Variants in BACE1 observed in about 807,000 individuals in gnomAD.
BACE1 encodes APP beta-secretase.
BACE1 carries 21 observed loss-of-function variants against 54.0 expected under a neutral mutation model. The ratio of observed to expected loss-of-function variants is 0.39; its 90% CI spans 0.28 to 0.56. The LOEUF (loss-of-function observed/expected upper bound fraction) is 0.56. Among genes scored for constraint, BACE1 ranks in the 20% least tolerant of loss-of-function variants. The pLI, the probability that BACE1 is intolerant of heterozygous loss-of-function variation, is 0.63. For missense variants in BACE1, 511 were observed against 661.2 expected (o/e 0.77, Z 2.49); for synonymous variants, 232 against 260.9 (o/e 0.89, Z 1.07).
At chr11:117,290,844 C>A in intron 7 of BACE1, 56 bp downstream of exon 7, 3 of 1,589,236 alleles carry the variant, frequency 1.9e-6, no homozygotes, top group Non-Finnish European at 2.6e-6. Context: ...TACCTGCTCA[C>A]TGTCTCCCAG....
chr11:117,308,037 C>G (rs2034869741), intron 1 of BACE1, among the ~76,000 whole-genome samples: 1 of 128,458 alleles, frequency 7.8e-6, no homozygotes, highest in African/African-American at 3.0e-5. Flanking sequence ...CTGGGATGCT[C>G]AGGAGATTTG....
Position 117,289,461 on chromosome 11 carries a change from T to G in BACE1, c.*105A>C. 1 of 1,501,588 alleles carries G rather than the reference T, an allele frequency of 6.7e-7. No homozygotes were observed. The highest frequency in any genetic ancestry group is 8.9e-7 in the Non-Finnish European group (1 of 1,123,004). 93.0% of individuals were successfully genotyped at this position (1,501,588 alleles called of 1,614,324 possible). ...GGCATTTGGTGGGTGGGGAGGGTCC[T>G]GAGGTGCTCTGGCCACAGGTGCCAT... On this transcript the variant is annotated 3_prime_UTR_variant, in exon 9 of 9. Coordinates refer to ENST00000313005, the MANE Select transcript of BACE1 (RefSeq NM_012104.6).
At chr11:117,308,636 C>T (rs1223070171) in intron 1 of BACE1, among the ~76,000 whole-genome samples, 1 of 152,114 alleles carries the variant, frequency 6.6e-6, no homozygotes, top group African/African-American at 2.4e-5. Flanking sequence ...GAATAATAAA[C>T]ATAAACTTTG....
intron 1 of BACE1, among the ~76,000 whole-genome samples, chr11:117,301,942 T>A (rs2034734641): frequency 6.6e-6 from 1 of 152,244 alleles, no homozygotes; most frequent in Non-Finnish European, 1.5e-5. Flanking sequence ...TCTCTTGACC[T>A]GTCCAATCTG....
rs1051419321 is a variant in BACE1 at position 117,287,508 on chromosome 11, A to C, written c.*2058T>G. On this transcript the variant is annotated 3_prime_UTR_variant, in exon 9 of 9. Transcript: ENST00000313005. ...GGAAGTAACTGTAAAAAGAAAAACA[A>C]GTGCAAGTTTTCTTTAAAAAAATAA... 2 of 152,650 alleles carry C rather than the reference A, an allele frequency of 1.3e-5. No individual in the cohort carries two copies. The highest frequency in any genetic ancestry group is 2.9e-5 in the Non-Finnish European group (2 of 68,034). 9.5% of individuals were successfully genotyped at this position (152,650 alleles called of 1,614,324 possible). A position where few individuals can be genotyped will look rare whatever the true frequency, so the allele number is the denominator to read the frequency against.
Position 117,287,096 on chromosome 11 carries a change from A to G in BACE1, c.*2470T>C, listed in dbSNP as rs1239519251. On this transcript the variant is annotated 3_prime_UTR_variant, in exon 9 of 9. Coordinates refer to ENST00000313005, the MANE Select transcript of BACE1 (RefSeq NM_012104.6). The stretch of plus-strand genomic sequence containing the variant: ...TCCTTTGAAGCCAAAGGAGTAAAGA[A>G]AGAAAAAAGGAAGGGGTGAGGAGGG... 6.6e-6 allele frequency: 1 copy of G among 152,242 alleles called. No individual in the cohort carries two copies. Among genetic ancestry groups the G allele is most frequent in the East Asian group, 1.9e-4 (1 of 5,200 alleles). 9.4% of individuals were successfully genotyped at this position (152,242 alleles called of 1,614,324 possible).
intron 1 of BACE1, among the ~76,000 whole-genome samples, chr11:117,309,760 T>C (rs2034906061): frequency 6.6e-6 from 1 of 152,218 alleles, no homozygotes; most frequent in Non-Finnish European, 1.5e-5. Flanking sequence ...TGGCATTATT[T>C]TTCTCTTCTA....
At chr11:117,301,417 C>T (rs960352383) in intron 1 of BACE1, among the ~76,000 whole-genome samples, 1 of 152,048 alleles carries the variant, frequency 6.6e-6, no homozygotes, top group Non-Finnish European at 1.5e-5. Flanking sequence ...ATAGTGAGAC[C>T]CCCTCCCACA....
chr11:117,289,182 G>A lies in BACE1; in HGVS notation c.*384C>T, dbSNP rs1306382386. The A allele has an allele frequency of 1.3e-5, 3 of 225,736 alleles. No homozygotes were observed. Among genetic ancestry groups the A allele is most frequent in the South Asian group, 8.2e-5 (1 of 12,200 alleles). 14.0% of individuals were successfully genotyped at this position (225,736 alleles called of 1,614,324 possible). On this transcript the variant is annotated 3_prime_UTR_variant, in exon 9 of 9. Coordinates refer to ENST00000313005, the MANE Select transcript of BACE1 (RefSeq NM_012104.6). The stretch of plus-strand genomic sequence containing the variant: ...CTGCCAGGGTACCACAGGGACACAC[G>A]CCAAGGTAACCTGCGTGTGATGCCA...
rs1016772511 is a variant in BACE1 at position 117,286,302 on chromosome 11, C to T, written c.*3264G>A. On this transcript the variant is annotated 3_prime_UTR_variant, in exon 9 of 9. Coordinates refer to ENST00000313005, the MANE Select transcript of BACE1 (RefSeq NM_012104.6). Reference sequence around the variant, plus strand: ...TATCAGGAACTAGATCATTTTCCACCTCTGCTTATTGTACTTCTTAATTTT... The same window carrying T: ...TATCAGGAACTAGATCATTTTCCACTTCTGCTTATTGTACTTCTTAATTTT... 1 of 152,216 alleles carries T rather than the reference C, an allele frequency of 6.6e-6. No homozygotes were observed. Among genetic ancestry groups the T allele is most frequent in the East Asian group, 1.9e-4 (1 of 5,198 alleles). The allele number at this position is 152,216 out of a possible 1,614,324, so 9.4% of individuals were successfully genotyped here.
intron 1 of BACE1, 72 bp from the exon 2 acceptor site, chr11:117,297,033 A>G: frequency 8.9e-7 from 1 of 1,124,664 alleles, no homozygotes; most frequent in Non-Finnish European, 1.3e-6. Flanking sequence ...ATTATCCCTC[A>G]CGCCCCAGCC....
In BACE1 at chr11:117,309,093, C is replaced by T. The variant is rs556955534; in HGVS notation, c.261+6442G>A. On this transcript the variant is annotated intron_variant, in intron 1 of 8. Coordinates refer to ENST00000313005, the MANE Select transcript of BACE1 (RefSeq NM_012104.6). ...CTCTCACCCCATACATCTCATCAAG[C>T]GCAGAGAATAACTGGTTAAACGATG... Among the ~76,000 whole-genome samples, 7 of 152,230 alleles carry T rather than the reference C, an allele frequency of 4.6e-5. No individual in the cohort carries two copies. The South Asian group carries it at 8.3e-4, about 18-fold the overall frequency.
At chr11:117,297,927 C>G (rs2034641101) in intron 1 of BACE1, among the ~76,000 whole-genome samples, 1 of 152,198 alleles carries the variant, frequency 6.6e-6, no homozygotes, top group Admixed American at 6.5e-5. Flanking sequence ...CCTCTGACAG[C>G]CGACTCAAAA....
chr11:117,307,315 G>C (rs1162700825), intron 1 of BACE1, among the ~76,000 whole-genome samples: 1 of 151,950 alleles, frequency 6.6e-6, no homozygotes, highest in Non-Finnish European at 1.5e-5. Flanking sequence ...TCTCTTCCTG[G>C]ATTTTCTTTT....
chr11:117,304,292 G>A (rs1021639708), intron 1 of BACE1, among the ~76,000 whole-genome samples: 22 of 152,320 alleles, frequency 1.4e-4, no homozygotes, highest in African/African-American at 5.3e-4. Context: ...AACAGGCCTG[G>A]GTTAGTCCAG....
intron 1 of BACE1, among the ~76,000 whole-genome samples, chr11:117,309,152 G>A (rs2034893895): frequency 1.3e-5 from 2 of 152,028 alleles, no homozygotes; most frequent in South Asian, 2.1e-4. Context: ...TACCCTCACT[G>A]CCACCATCCT....
In BACE1 at chr11:117,315,132, G is replaced by A. The variant is rs1229750320; in HGVS notation, c.261+403C>T. On this transcript the variant is annotated intron_variant, in intron 1 of 8. Transcript: ENST00000313005. This position sits in a 1 kb window ranked among gnomAD's most constrained non-coding sequence, Gnocchi z 5.5. ...GAACAATGGTGGGAATCAGAGGAGG[G>A]GACAAGGTTGGGTGGCCAACCTCTA... 3.9e-5 allele frequency among the ~76,000 whole-genome samples: 6 copies of A among 152,208 alleles called. No individual in the cohort carries two copies. Among genetic ancestry groups the A allele is most frequent in the Admixed American group, 3.9e-4 (6 of 15,286 alleles).
intron 1 of BACE1, among the ~76,000 whole-genome samples, chr11:117,312,167 A>G (rs2034957073): frequency 6.6e-6 from 1 of 152,054 alleles, no homozygotes; most frequent in Non-Finnish European, 1.5e-5. Flanking sequence ...ATTGTCTCCT[A>G]AACAACCATG....
chr11:117,302,661 T>C (rs886716584), intron 1 of BACE1, among the ~76,000 whole-genome samples: 1 of 152,202 alleles, frequency 6.6e-6, no homozygotes, highest in Non-Finnish European at 1.5e-5. Context: ...GGCGGGCAGA[T>C]CATTTGAAGT....
Sources: gnomAD v4.1 joint callset for allele counts (sites outside exome capture counted in the v4.1 genomes callset) on GRCh38, gnomAD v4.1.1 for gene constraint, Gnocchi (gnomAD v3.1) non-coding constraint, MANE v1.5 for transcripts, NCBI Gene and HGNC (gene_info 2026-07-23, HGNC 2026-07-21) for gene names.